Variants in HS6ST2 observed in about 807,000 individuals in gnomAD.
HS6ST2 encodes heparan-sulfate 6-O-sulfotransferase 2.
A neutral mutation model predicts 33.0 loss-of-function variants in HS6ST2; 17 were observed. The observed-to-expected ratio is 0.52, with a 90% CI of 0.35 to 0.77. The LOEUF (loss-of-function observed/expected upper bound fraction) is 0.77, where lower values mean the gene tolerates loss of function less well. Ranked by LOEUF, HS6ST2 falls within the 30% of genes least tolerant of loss-of-function variation. The pLI, the probability that HS6ST2 is intolerant of heterozygous loss-of-function variation, is 0.01. For synonymous variants in HS6ST2, 248 were observed against 237.1 expected (o/e 1.05, Z -0.42); for missense variants, 519 against 551.7 (o/e 0.94, Z 0.59).
intron 2 of HS6ST2, among the ~76,000 whole-genome samples, chrX:132,871,056 A>T (rs1446220717): frequency 8.9e-6 from 1 of 111,947 alleles, no homozygotes; most frequent in Non-Finnish European, 1.9e-5. Flanking sequence ...TCCAGAATCT[A>T]CAAGGAACTT....
At chrX:132,829,199 T>TATATATATATATATATATATAC (rs55664940) in intron 2 of HS6ST2, among the ~76,000 whole-genome samples, 9 of 73,285 alleles carry the variant, frequency 1.2e-4, no homozygotes, top group African/African-American at 4.2e-4. Context: ...TATATATATA[T>TATATATATATATATATATATAC]ACATACTTAT....
intron 2 of HS6ST2, among the ~76,000 whole-genome samples, chrX:132,817,579 A>G (rs2065406845): frequency 9.1e-6 from 1 of 110,291 alleles, no homozygotes; most frequent in South Asian, 3.9e-4. Flanking sequence ...ACGGAGTCAC[A>G]CCTTTGAGAA....
At chrX:132,669,637 C>G (rs1382565204) in intron 3 of HS6ST2, 1 of 113,494 alleles carries the variant, frequency 8.8e-6, no homozygotes, top group African/African-American at 3.2e-5. Flanking sequence ...TGCCAAATGA[C>G]TTCTAAAAGT....
intron 2 of HS6ST2, among the ~76,000 whole-genome samples, chrX:132,747,827 T>A (rs1442096378): frequency 9.0e-6 from 1 of 110,968 alleles, no homozygotes; most frequent in East Asian, 2.8e-4. Context: ...AGGATGCTGC[T>A]TCTTGGGGCT....
At chrX:132,852,057 G>GCTTGAGCC (rs1157966862) in intron 2 of HS6ST2, among the ~76,000 whole-genome samples, 8 of 111,381 alleles carry the variant, frequency 7.2e-5, no homozygotes, top group African/African-American at 2.3e-4. Flanking sequence ...AGGGAGGATC[G>GCTTGAGCC]CTTGAGCCCA....
intron 2 of HS6ST2, among the ~76,000 whole-genome samples, chrX:132,714,324 AT>A (rs1400828229): frequency 1.3e-4 from 14 of 105,512 alleles, no homozygotes; most frequent in Non-Finnish European, 1.6e-4. Context: ...TCATGATAAC[AT>A]TTTTTTTTTA....
chrX:132,686,676 A>C (rs1445891770), intron 3 of HS6ST2, among the ~76,000 whole-genome samples: 1 of 111,662 alleles, frequency 9.0e-6, no homozygotes, highest in Non-Finnish European at 1.9e-5. Flanking sequence ...CAAATGAAAA[A>C]TAGGATAAAA....
At chrX:132,810,860 C>T (rs1038441099) in intron 2 of HS6ST2, among the ~76,000 whole-genome samples, 1 of 112,411 alleles carries the variant, frequency 8.9e-6, no homozygotes, top group African/African-American at 3.2e-5. Context: ...CTGGTTAACC[C>T]ACTGGCTGAC....
intron 2 of HS6ST2, among the ~76,000 whole-genome samples, chrX:132,839,280 A>G (rs1009821688): frequency 9.0e-5 from 4 of 44,597 alleles, no homozygotes; most frequent in Admixed American, 2.0e-4. Context: ...GTGTATATAT[A>G]TATATATATA....
At chrX:132,648,720 T>C (rs1020258987) in intron 4 of HS6ST2, among the ~76,000 whole-genome samples, 9 of 111,480 alleles carry the variant, frequency 8.1e-5, no homozygotes, top group Non-Finnish European at 1.5e-4. Context: ...TTTATCTCTC[T>C]ATCTTTTTAC....
chrX:132,907,369 C>T (rs375167049), intron 2 of HS6ST2: 43 of 139,141 alleles, frequency 3.1e-4, no homozygotes, highest in East Asian at 1.1e-3. Context: ...TGTGGCATAA[C>T]GGTGCCATTC....
chrX:132,947,628 A>T (rs930405146), intron 2 of HS6ST2, among the ~76,000 whole-genome samples: 8 of 111,530 alleles, frequency 7.2e-5, no homozygotes, highest in African/African-American at 2.6e-4. Context: ...ACCTATTCCA[A>T]TCCTTTTTGT....
intron 4 of HS6ST2, among the ~76,000 whole-genome samples, chrX:132,642,675 A>G (rs756536017): frequency 8.9e-6 from 1 of 111,959 alleles, no homozygotes; most frequent in East Asian, 2.8e-4. Context: ...TTGCAATGAT[A>G]ATACTGGGTG....
intron 2 of HS6ST2, among the ~76,000 whole-genome samples, chrX:132,926,888 A>C (rs1458678057): frequency 9.0e-6 from 1 of 111,573 alleles, no homozygotes; most frequent in Non-Finnish European, 1.9e-5. Flanking sequence ...GCACCAATGC[A>C]CTCCAGCTTG....
chrX:132,803,840 A>G (rs2148356273), intron 2 of HS6ST2, among the ~76,000 whole-genome samples: 1 of 112,051 alleles, frequency 8.9e-6, no homozygotes, highest in African/African-American at 3.2e-5. Flanking sequence ...TCAGAGAATT[A>G]TGAGTAGCAT....
In HS6ST2 at chrX:132,755,596, G is replaced by C. The variant is rs1432577733; in HGVS notation, c.948-47102C>G. On this transcript the variant is annotated intron_variant, in intron 2 of 4. Transcript: ENST00000370833. ...AACTGGAACCAAGGATGGTGTTAGG[G>C]TGGGTCAAGAGAGGCAGGGGTGTGC... 1.2e-4 allele frequency among the ~76,000 whole-genome samples: 13 copies of C among 111,320 alleles called. No homozygotes were observed. The Admixed American group carries it at 1.2e-3, about 11-fold the overall frequency.
At chrX:132,892,539 C>T (rs998798001) in intron 2 of HS6ST2, among the ~76,000 whole-genome samples, 7 of 112,612 alleles carry the variant, frequency 6.2e-5, no homozygotes, top group Non-Finnish European at 1.9e-5. Flanking sequence ...GCAACACAGG[C>T]TGGGCATGGT....
rs142171143 is a variant in HS6ST2 at position 132,749,570 on chromosome X, T to G, written c.948-41076A>C. Among the ~76,000 whole-genome samples, 739 of 112,333 alleles carry G rather than the reference T, an allele frequency of 6.6e-3. 6 individuals are homozygous for G. Among genetic ancestry groups the G allele is most frequent in the African/African-American group, 0.023 (699 of 30,890 alleles). On this transcript the variant is annotated intron_variant, in intron 2 of 4. Coordinates refer to ENST00000370833, the MANE Select transcript of HS6ST2 (RefSeq NM_001394073.1). Reference sequence around the variant, plus strand: ...TTAGTTAAGGTGAACCAACTTGATATGTCTGTGTCAGGCAACAGACAGCTG... The same window carrying G: ...TTAGTTAAGGTGAACCAACTTGATAGGTCTGTGTCAGGCAACAGACAGCTG...
rs1046916922 is a variant in HS6ST2, at chrX:132,845,727, C to T, written c.947+111081G>A. Among the ~76,000 whole-genome samples the T allele has an allele frequency of 1.8e-4, 20 of 111,312 alleles. 1 individual carries two copies. Among genetic ancestry groups the T allele is most frequent in the Non-Finnish European group, 1.5e-4 (8 of 53,053 alleles). Reference sequence around the variant, plus strand: ...ATTTCTTCCAGCTCCCAGACCATGACAGTATATATAGAAATAGATGCCTTA... The same window carrying T: ...ATTTCTTCCAGCTCCCAGACCATGATAGTATATATAGAAATAGATGCCTTA... On this transcript the variant is annotated intron_variant, in intron 2 of 4. Coordinates refer to ENST00000370833, the MANE Select transcript of HS6ST2 (RefSeq NM_001394073.1).
Sources: allele counts gnomAD v4.1 joint callset (sites outside exome capture counted in the v4.1 genomes callset), GRCh38; gene constraint gnomAD v4.1.1; transcripts MANE v1.5; gene names NCBI Gene and HGNC (gene_info 2026-07-23, HGNC 2026-07-21).